Variants in MAGI2 observed in about 807,000 individuals in gnomAD.
MAGI2 encodes the protein membrane-associated guanylate kinase, WW and PDZ domain-containing protein 2.
A neutral mutation model predicts 133.3 loss-of-function variants in MAGI2; 35 were observed. The ratio of observed to expected loss-of-function variants is 0.26; its 90% CI spans 0.20 to 0.35. The LOEUF (loss-of-function observed/expected upper bound fraction) is 0.35, where lower values mean the gene tolerates loss of function less well. MAGI2 is among the 10% of genes least tolerant of loss of function. The probability of loss-of-function intolerance (pLI) is 1.00; values close to 1 mark genes in which losing one functional copy is unlikely to be tolerated. For synonymous variants in MAGI2, 729 were observed against 710.6 expected, an observed-to-expected ratio of 1.03 and a Z score of -0.41; for missense variants, 1,636 against 1,863.4, an observed-to-expected ratio of 0.88 and a Z score of 2.25.
intron 1 of MAGI2, among the ~76,000 whole-genome samples, chr7:79,219,398 C>T (rs1392161328): frequency 6.6e-6 from 1 of 151,976 alleles, no homozygotes; most frequent in Non-Finnish European, 1.5e-5. Context: ...TTTAAATGAT[C>T]CCATTTGCTT....
intron 4 of MAGI2, chr7:78,518,065 G>C (rs999281310): frequency 1.3e-5 from 2 of 151,754 alleles, no homozygotes; most frequent in Non-Finnish European, 2.9e-5. Flanking sequence ...TATTTACTTA[G>C]AGCAAAGTTT....
chr7:78,407,631 T>C (rs185554573), intron 6 of MAGI2, among the ~76,000 whole-genome samples: 3 of 147,206 alleles, frequency 2.0e-5, no homozygotes, highest in Non-Finnish European at 4.5e-5. Flanking sequence ...AATTGATCTA[T>C]CAAGCTGCTG....
intron 2 of MAGI2, among the ~76,000 whole-genome samples, chr7:78,797,794 G>C (rs1416235427): frequency 6.6e-6 from 1 of 152,136 alleles, no homozygotes; most frequent in Non-Finnish European, 1.5e-5. Context: ...TAGGGGTAAG[G>C]GGAGAGTGGT....
chr7:78,583,645 G>A, intron 3 of MAGI2, among the ~76,000 whole-genome samples: 1 of 152,008 alleles, frequency 6.6e-6, no homozygotes, highest in Non-Finnish European at 1.5e-5. Flanking sequence ...CAAAGTGAAG[G>A]ACAAGATTAG....
Position 78,638,846 on chromosome 7 carries a change from A to G in MAGI2, c.419-11607T>C, listed in dbSNP as rs147749480. On this transcript the variant is annotated intron_variant, in intron 2 of 21. Transcript: ENST00000354212. ...AGATATGTTCTATATTTGGCATTCT[A>G]TAGAATTAATAAAAGGAGGCTTTTG... 4.6e-3 allele frequency among the ~76,000 whole-genome samples: 698 copies of G among 152,356 alleles called. 5 individuals carry two copies. The highest frequency in any genetic ancestry group is 0.01 in the Middle Eastern group (3 of 294).
chr7:78,939,539 A>T (rs1377677093), intron 2 of MAGI2, among the ~76,000 whole-genome samples: 2 of 152,174 alleles, frequency 1.3e-5, no homozygotes, highest in Non-Finnish European at 2.9e-5. Context: ...CCATATTGTG[A>T]AAAGATGTAA....
At chr7:78,713,172 A>T (rs1443169162) in intron 2 of MAGI2, among the ~76,000 whole-genome samples, 1 of 152,140 alleles carries the variant, frequency 6.6e-6, no homozygotes, top group Non-Finnish European at 1.5e-5. Context: ...ATGACATGAC[A>T]ATTTGGAACC....
intron 2 of MAGI2, among the ~76,000 whole-genome samples, chr7:78,672,041 C>A (rs768506561): frequency 2.0e-4 from 31 of 152,308 alleles, no homozygotes; most frequent in Non-Finnish European, 3.8e-4. Flanking sequence ...GCCCAAAATG[C>A]ATTTTCCCTC....
At chr7:78,617,970 G>A (rs1213501788) in intron 3 of MAGI2, 1 of 151,908 alleles carries the variant, frequency 6.6e-6, no homozygotes, top group Non-Finnish European at 1.5e-5. Flanking sequence ...TATAAGGAAA[G>A]AATGTCTGCG....
chr7:78,779,190 G>A (rs1162354700), intron 2 of MAGI2, among the ~76,000 whole-genome samples: 3 of 152,084 alleles, frequency 2.0e-5, no homozygotes, highest in Admixed American at 6.6e-5. Context: ...ACAGGCGTAA[G>A]CCACCACACT....
intron 4 of MAGI2, among the ~76,000 whole-genome samples, chr7:78,517,873 T>C (rs1335381401): frequency 1.3e-5 from 2 of 152,034 alleles, no homozygotes; most frequent in Admixed American, 6.5e-5. Context: ...TTCGATAACA[T>C]TGATAATGTT....
intron 6 of MAGI2, among the ~76,000 whole-genome samples, chr7:78,449,173 T>C (rs1252282897): frequency 6.6e-6 from 1 of 151,988 alleles, no homozygotes; most frequent in Non-Finnish European, 1.5e-5. Flanking sequence ...ATAAGGGCTA[T>C]GGAAACATGT....
chr7:78,323,628 G>GT (rs561602862), intron 9 of MAGI2, among the ~76,000 whole-genome samples: 90 of 151,908 alleles, frequency 5.9e-4, no homozygotes, highest in African/African-American at 1.6e-3. Flanking sequence ...TATGGTCATA[G>GT]TTTTTTTTGT....
intron 2 of MAGI2, among the ~76,000 whole-genome samples, chr7:78,756,523 G>C (rs901569471): frequency 5.3e-5 from 8 of 152,154 alleles, no homozygotes; most frequent in African/African-American, 1.9e-4. Flanking sequence ...GAACCGATTA[G>C]TGGGAATGGG....
chr7:78,580,453 T>A (rs1802719129), intron 3 of MAGI2, among the ~76,000 whole-genome samples: 1 of 152,136 alleles, frequency 6.6e-6, no homozygotes, highest in African/African-American at 2.4e-5. Context: ...GAGTATTTCC[T>A]GTTGATGTGT....
intron 1 of MAGI2, among the ~76,000 whole-genome samples, chr7:79,377,055 T>C (rs2129139287): frequency 6.6e-6 from 1 of 151,958 alleles, no homozygotes; most frequent in Non-Finnish European, 1.5e-5. Flanking sequence ...CTTTTCCACA[T>C]ATAAAGTTAA....
At chr7:79,265,175 A>C (rs146968368) in intron 1 of MAGI2, among the ~76,000 whole-genome samples, 9 of 152,292 alleles carry the variant, frequency 5.9e-5, no homozygotes, top group Middle Eastern at 3.4e-3. Context: ...CAAGATCAGC[A>C]GCACCATCAT....
At chr7:78,084,541 C>T (rs79460885) in intron 20 of MAGI2, among the ~76,000 whole-genome samples, 4,446 of 152,316 alleles carry the variant, frequency 0.029, 222 homozygotes, top group African/African-American at 0.1. Context: ...TACTGCCTTA[C>T]GCAGTTCCAT....
chr7:78,810,521 A>G (rs1788956629), intron 2 of MAGI2, among the ~76,000 whole-genome samples: 1 of 152,164 alleles, frequency 6.6e-6, no homozygotes, highest in African/African-American at 2.4e-5. Context: ...AATTTAATAT[A>G]TTAGTGCATT....
Sources: allele counts gnomAD v4.1 joint callset (sites outside exome capture counted in the v4.1 genomes callset), GRCh38; gene constraint gnomAD v4.1.1; transcripts MANE v1.5; gene names NCBI Gene and HGNC (gene_info 2026-07-23, HGNC 2026-07-21).